NRCAM: variants seen among roughly 807,000 people sequenced by gnomAD.
The protein encoded by NRCAM is neuronal cell adhesion molecule, also known as NgCAM-related cell adhesion molecule.
NRCAM carries 83 observed loss-of-function variants against 156.5 expected under a neutral mutation model. The ratio of observed to expected loss-of-function variants is 0.53; its 90% CI spans 0.44 to 0.64. The LOEUF is 0.64. Among genes scored for constraint, NRCAM ranks in the 30% least tolerant of loss-of-function variants. The pLI is 0.00. For missense variants in NRCAM, 1,417 were observed against 1,597.3 expected, an observed-to-expected ratio of 0.89 and a Z score of 1.92; for synonymous variants, 538 against 563.9, an observed-to-expected ratio of 0.95 and a Z score of 0.65.
chr7:108,309,937 T>C (rs1323636317), intron 3 of NRCAM, among the ~76,000 whole-genome samples: 1 of 152,208 alleles, frequency 6.6e-6, no homozygotes, highest in Non-Finnish European at 1.5e-5. Flanking sequence ...AGGTTCACTT[T>C]TACAAATCAA....
At chr7:108,401,133 G>A (rs191363150) in intron 1 of NRCAM, among the ~76,000 whole-genome samples, 3 of 152,122 alleles carry the variant, frequency 2.0e-5, no homozygotes, top group East Asian at 1.9e-4. Flanking sequence ...CCAGCTACTC[G>A]GGAGGCTGAG....
At position 108,259,135 on chromosome 7, in the gene NRCAM, C is replaced by T. The variant is rs1445921307; in HGVS notation, c.-106-18965G>A. On this transcript the variant is annotated intron_variant, in intron 3 of 32. Coordinates refer to ENST00000379028, the MANE Select transcript of NRCAM (RefSeq NM_001037132.4). The stretch of plus-strand genomic sequence containing the variant: ...CAGAAAATTCTATTGGACAGAGTTT[C>T]TCTAGAGGAAAATGTCTTTGTTAAC... Among the ~76,000 whole-genome samples the T allele has an allele frequency of 6.6e-5, 10 of 152,276 alleles. No individual in the cohort carries two copies. The South Asian group carries it at 1.7e-3, about 25-fold the overall frequency.
intron 2 of NRCAM, among the ~76,000 whole-genome samples, chr7:108,382,923 T>G (rs1010588815): frequency 3.3e-5 from 5 of 152,164 alleles, no homozygotes; most frequent in African/African-American, 1.2e-4. Context: ...CTTCTTTCAT[T>G]TACTAGTTTG....
chr7:108,187,811 C>T (rs1256234089), intron 20 of NRCAM, among the ~76,000 whole-genome samples: 6 of 151,946 alleles, frequency 3.9e-5, no homozygotes, highest in Non-Finnish European at 5.9e-5. Flanking sequence ...AAAAAGTAGC[C>T]GGGTGTGGTG....
chr7:108,441,288 T>C (rs1268035980), intron 1 of NRCAM, among the ~76,000 whole-genome samples: 5 of 152,228 alleles, frequency 3.3e-5, no homozygotes, highest in Admixed American at 6.5e-5. Context: ...AAACTAATAA[T>C]GTACATAATT....
intron 1 of NRCAM, among the ~76,000 whole-genome samples, chr7:108,429,317 G>A (rs982941119): frequency 2.6e-5 from 4 of 152,024 alleles, no homozygotes; most frequent in African/African-American, 9.7e-5. Flanking sequence ...TCAGCCTCCT[G>A]AGTAGCTGGG....
chr7:108,274,915 A>G (rs1239764811), intron 3 of NRCAM, among the ~76,000 whole-genome samples: 1 of 152,122 alleles, frequency 6.6e-6, no homozygotes, highest in Non-Finnish European at 1.5e-5. Flanking sequence ...CATTCCATTA[A>G]TACCTCATTT....
intron 22 of NRCAM, 125 bp downstream of exon 22, chr7:108,184,112 TTATA>T (rs10561815): frequency 1.9e-3 from 819 of 426,592 alleles, no homozygotes; most frequent in Middle Eastern, 3.5e-3. Context: ...ATATGTATCT[TTATA>T]TATATATATA....
intron 1 of NRCAM, among the ~76,000 whole-genome samples, chr7:108,428,126 A>G (rs1166106809): frequency 6.6e-6 from 1 of 152,208 alleles, no homozygotes; most frequent in Non-Finnish European, 1.5e-5. Context: ...ATAAAAATAG[A>G]AATGATATAA....
Position 108,182,876 on chromosome 7 carries a change from T to C in NRCAM, c.2349A>G (p.Lys783=), listed in dbSNP as rs2064269266. The C allele has an allele frequency of 1.9e-6, 3 of 1,614,212 alleles. No homozygotes were observed. The highest frequency in any genetic ancestry group is 2.5e-6 in the Non-Finnish European group (3 of 1,180,040). The part of the protein sequence containing the change: ...FESNGPGLQY[K]VSWRQKDGDD... ...CACCATCTTTCTGGCGCCAGCTAAC[T>C]TTGTACTGAAGGCCTGGCCCATTAG... is the stretch of plus-strand genomic sequence containing the variant. The change falls in exon 23 of 33, where the codon AAA becomes AAG. Residue 783 remains lysine (K), a synonymous_variant. Coordinates refer to ENST00000379028, the MANE Select transcript of NRCAM (RefSeq NM_001037132.4).
chr7:108,403,506 T>C (rs2099798815), intron 1 of NRCAM, among the ~76,000 whole-genome samples: 1 of 152,236 alleles, frequency 6.6e-6, no homozygotes, highest in South Asian at 2.1e-4. Flanking sequence ...ATGTCATTAC[T>C]TAAAATTAAT....
chr7:108,331,373 C>T (rs923555538), intron 2 of NRCAM, among the ~76,000 whole-genome samples: 1 of 152,022 alleles, frequency 6.6e-6, no homozygotes, highest in Non-Finnish European at 1.5e-5. Context: ...TGTACTCCAT[C>T]CTGGGCAACA....
intron 1 of NRCAM, among the ~76,000 whole-genome samples, chr7:108,435,893 G>C (rs1189997696): frequency 6.6e-6 from 1 of 152,248 alleles, no homozygotes; most frequent in Non-Finnish European, 1.5e-5. Context: ...AGCACTTTGG[G>C]AGGCCGAGGC....
intron 11 of NRCAM, among the ~76,000 whole-genome samples, chr7:108,210,041 T>A (rs1011261977): frequency 6.6e-6 from 1 of 152,236 alleles, no homozygotes; most frequent in Non-Finnish European, 1.5e-5. Context: ...AACATATCTA[T>A]GACCATAAAC....
intron 2 of NRCAM, among the ~76,000 whole-genome samples, chr7:108,363,476 G>A (rs2099572353): frequency 6.6e-6 from 1 of 152,114 alleles, no homozygotes; most frequent in African/African-American, 2.4e-5. Context: ...TGCCCAGGCT[G>A]GTCTCAAACC....
chr7:108,325,584 T>C (rs1212614469), intron 2 of NRCAM, among the ~76,000 whole-genome samples: 2 of 152,134 alleles, frequency 1.3e-5, no homozygotes, highest in Non-Finnish European at 2.9e-5. Context: ...AAAGGTAACC[T>C]ACATTAGATG....
chr7:108,309,927 A>G, intron 3 of NRCAM, among the ~76,000 whole-genome samples: 1 of 152,200 alleles, frequency 6.6e-6, no homozygotes, highest in East Asian at 1.9e-4. Context: ...AATAAAATAC[A>G]GGTTCACTTT....
rs146032644 is a variant in NRCAM, at chr7:108,378,364, A to G, written c.-174+21072T>C. ...AAACAAGTTAATAAGACACAGGTAA[A>G]AAGATTAATAGAGAACTAGAAGCCA... On this transcript the variant is annotated intron_variant, in intron 2 of 32. Transcript: ENST00000379028. 1.6e-4 allele frequency among the ~76,000 whole-genome samples: 24 copies of G among 152,224 alleles called. No homozygotes were observed. In the East Asian group the frequency reaches 2.3e-3, roughly 15 times the overall value.
intron 3 of NRCAM, among the ~76,000 whole-genome samples, chr7:108,247,203 T>G (rs182763361): frequency 5.3e-5 from 8 of 152,286 alleles, no homozygotes; most frequent in Admixed American, 2.6e-4. Flanking sequence ...CTGTTGTTGT[T>G]TGAAGTCACA....
Sources: gnomAD v4.1 joint callset for allele counts (sites outside exome capture counted in the v4.1 genomes callset) on GRCh38, gnomAD v4.1.1 for gene constraint, MANE v1.5 for transcripts, NCBI Gene and HGNC (gene_info 2026-07-23, HGNC 2026-07-21) for gene names.